KDM4C: variants seen among roughly 807,000 people sequenced by gnomAD.
KDM4C encodes the protein lysine demethylase 4C, also known as lysine-specific demethylase 4C.
KDM4C carries 81 observed loss-of-function variants against 129.3 expected under a neutral mutation model. That is an observed-to-expected ratio of 0.63 (90% CI 0.52 to 0.75). The LOEUF is 0.75. Among genes scored for constraint, KDM4C ranks in the 30% least tolerant of loss-of-function variants. The probability of loss-of-function intolerance (pLI) is 0.00; values close to 1 mark genes in which losing one functional copy is unlikely to be tolerated. For synonymous variants in KDM4C, 573 were observed against 456.1 expected, an observed-to-expected ratio of 1.26 and a Z score of -3.26; for missense variants, 1,457 against 1,304.0, an observed-to-expected ratio of 1.12 and a Z score of -1.81.
intron 1 of KDM4C, among the ~76,000 whole-genome samples, chr9:6,737,586 C>A (rs759920442): frequency 6.7e-6 from 1 of 149,218 alleles, no homozygotes; most frequent in Non-Finnish European, 1.5e-5. Flanking sequence ...ATCGCTTGAA[C>A]CCGAGAGGCA....
intron 6 of KDM4C, among the ~76,000 whole-genome samples, chr9:6,885,282 GT>G (rs1286163540): frequency 1.3e-5 from 2 of 152,086 alleles, no homozygotes; most frequent in African/African-American, 4.8e-5. Flanking sequence ...GTGTAGACTT[GT>G]TTTTTGCTTT....
intron 7 of KDM4C, among the ~76,000 whole-genome samples, chr9:6,889,550 G>A (rs1845823888): frequency 6.6e-6 from 1 of 152,198 alleles, no homozygotes; most frequent in Admixed American, 6.5e-5. Context: ...AGGGGCTGCT[G>A]TGGCTGTGGG....
At chr9:6,847,832 G>C (rs1564151345) in intron 4 of KDM4C, among the ~76,000 whole-genome samples, 1 of 152,200 alleles carries the variant, frequency 6.6e-6, no homozygotes. Flanking sequence ...TGTTACCTGA[G>C]TCAGAGTTTC....
At chr9:6,989,950 T>C (rs1226052150) in intron 11 of KDM4C, among the ~76,000 whole-genome samples, 1 of 151,784 alleles carries the variant, frequency 6.6e-6, no homozygotes, top group Non-Finnish European at 1.5e-5. Flanking sequence ...ATTTTTTTTT[T>C]TTTAAATTAT....
At chr9:6,889,524 A>G (rs966466652) in intron 7 of KDM4C, among the ~76,000 whole-genome samples, 17 of 152,104 alleles carry the variant, frequency 1.1e-4, no homozygotes, top group Admixed American at 9.8e-4. Context: ...CAGAGGGCAC[A>G]GGCTGTGCCA....
rs527763705 is a variant in KDM4C, at chr9:7,077,027, T to C, written c.2425-26658T>C. The C allele has an allele frequency of 1.4e-5, 14 of 985,528 alleles. No homozygotes were observed. The East Asian group carries it at 1.6e-3, about 112-fold the overall frequency. 61.0% of individuals were successfully genotyped at this position (985,528 alleles called of 1,614,324 possible). On this transcript the variant is annotated intron_variant, in intron 17 of 21. Coordinates refer to ENST00000381309, the MANE Select transcript of KDM4C (RefSeq NM_015061.6). Reference sequence around the variant, plus strand: ...GTCAGCCTGAATCCTTCCTTCTTGCTGCACAACAAAGCAACTGAACGTATT... The same window carrying C: ...GTCAGCCTGAATCCTTCCTTCTTGCCGCACAACAAAGCAACTGAACGTATT...
chr9:7,098,604 C>G (rs764513497), intron 17 of KDM4C, among the ~76,000 whole-genome samples: 2 of 152,344 alleles, frequency 1.3e-5, no homozygotes, highest in Middle Eastern at 3.4e-3. Flanking sequence ...CAAAACAGCC[C>G]AAACCCTGTG....
intron 1 of KDM4C, among the ~76,000 whole-genome samples, chr9:6,733,877 CT>C: frequency 6.6e-6 from 1 of 152,232 alleles, no homozygotes; most frequent in African/African-American, 2.4e-5. Flanking sequence ...GTTGCCATAG[CT>C]TTTGTAAACT....
At chr9:6,915,015 G>C (rs969084380) in intron 8 of KDM4C, among the ~76,000 whole-genome samples, 1 of 152,052 alleles carries the variant, frequency 6.6e-6, no homozygotes, top group Non-Finnish European at 1.5e-5. Flanking sequence ...ATTAAGTGTT[G>C]GACTTATAAA....
chr9:7,166,499 A>G (rs1844406707), intron 20 of KDM4C, among the ~76,000 whole-genome samples: 1 of 151,908 alleles, frequency 6.6e-6, no homozygotes, highest in Non-Finnish European at 1.5e-5. Context: ...CCCTTTGCAT[A>G]TGGTATTGGT....
chr9:6,852,473 T>A (rs62535666), intron 5 of KDM4C, among the ~76,000 whole-genome samples: 11,282 of 152,092 alleles, frequency 0.074, 603 homozygotes, highest in Non-Finnish European at 0.11. Flanking sequence ...ATGATCAGAG[T>A]CACAGGAATA....
At chr9:7,002,513 A>T (rs1820914073) in intron 12 of KDM4C, among the ~76,000 whole-genome samples, 1 of 152,180 alleles carries the variant, frequency 6.6e-6, no homozygotes, top group Non-Finnish European at 1.5e-5. Flanking sequence ...TCTTCAGATC[A>T]TGTGGCTCTT....
chr9:6,735,935 C>T (rs73403191), intron 1 of KDM4C, among the ~76,000 whole-genome samples: 16,738 of 152,114 alleles, frequency 0.11, 1,124 homozygotes, highest in African/African-American at 0.18. Context: ...GACCAAAATG[C>T]TGATAGTATT....
chr9:6,859,641 T>A, intron 5 of KDM4C, among the ~76,000 whole-genome samples: 1 of 150,902 alleles, frequency 6.6e-6, no homozygotes, highest in East Asian at 1.9e-4. Context: ...GGCGGGCAGA[T>A]CGCGAGATCC....
chr9:7,049,922 C>G (rs540396867), intron 17 of KDM4C, among the ~76,000 whole-genome samples: 4 of 152,076 alleles, frequency 2.6e-5, no homozygotes, highest in Non-Finnish European at 5.9e-5. Context: ...TGTATTGGAG[C>G]ACGTCTTACA....
intron 5 of KDM4C, among the ~76,000 whole-genome samples, chr9:6,873,728 T>G (rs1384968842): frequency 1.3e-5 from 2 of 152,230 alleles, no homozygotes. Flanking sequence ...TTTCTTATCA[T>G]CATTGTGTTC....
chr9:6,834,724 C>T, intron 4 of KDM4C: 1 of 939,636 alleles, frequency 1.1e-6, no homozygotes, highest in South Asian at 1.3e-5. Context: ...ACCACACCTT[C>T]TAAAGGGAGC....
intron 20 of KDM4C, among the ~76,000 whole-genome samples, chr9:7,168,008 C>T (rs939265213): frequency 1.3e-5 from 2 of 151,662 alleles, no homozygotes; most frequent in African/African-American, 4.9e-5. Context: ...GTGGTGCAAC[C>T]CCGTCTCTAC....
At chr9:7,037,035 G>A (rs563231293) in intron 15 of KDM4C, among the ~76,000 whole-genome samples, 57 of 152,154 alleles carry the variant, frequency 3.7e-4, no homozygotes, top group African/African-American at 1.2e-3. Context: ...TCTGTCCTTC[G>A]GTGAGAGATC....
Sources: gnomAD v4.1 joint callset for allele counts (sites outside exome capture counted in the v4.1 genomes callset) on GRCh38, gnomAD v4.1.1 for gene constraint, MANE v1.5 for transcripts, NCBI Gene and HGNC (gene_info 2026-07-23, HGNC 2026-07-21) for gene names.